Variants in CSMD1 observed in about 807,000 individuals in gnomAD.
CSMD1 encodes the protein CUB and Sushi multiple domains 1, also known as CUB and sushi domain-containing protein 1.
CSMD1 carries 213 observed loss-of-function variants against 417.5 expected under a neutral mutation model. The ratio of observed to expected loss-of-function variants is 0.51; its 90% CI spans 0.46 to 0.57. CSMD1 has a LOEUF of 0.57. Among genes scored for constraint, CSMD1 ranks in the 20% least tolerant of loss-of-function variants. The pLI is 0.00. For synonymous variants in CSMD1, 2,862 were observed against 1,736.8 expected, an observed-to-expected ratio of 1.65 and a Z score of -16.11; for missense variants, 6,923 against 4,529.7, an observed-to-expected ratio of 1.53 and a Z score of -15.17.
intron 8 of CSMD1, among the ~76,000 whole-genome samples, chr8:3,593,370 G>A (rs73491404): frequency 0.039 from 5,938 of 152,290 alleles, 361 homozygotes; most frequent in African/African-American, 0.13. Flanking sequence ...GGAGGAGCCC[G>A]TGATGGAGAA....
At chr8:4,161,645 C>T (rs939448118) in intron 3 of CSMD1, among the ~76,000 whole-genome samples, 9 of 152,084 alleles carry the variant, frequency 5.9e-5, no homozygotes, top group Non-Finnish European at 1.2e-4. Flanking sequence ...TTAATGTGTT[C>T]TTCCAACGTC....
chr8:3,421,894 G>A (rs747082811), intron 12 of CSMD1, among the ~76,000 whole-genome samples: 16 of 145,826 alleles, frequency 1.1e-4, no homozygotes, highest in East Asian at 1.9e-4. Flanking sequence ...CACCTTGGCC[G>A]CCCAAAGTGC....
rs75765584 is a variant in CSMD1, at chr8:3,646,817, C to T, written c.1010-30020G>A. Among the ~76,000 whole-genome samples the T allele has an allele frequency of 1.8e-3, 269 of 152,232 alleles. 1 individual carries two copies. Among genetic ancestry groups the T allele is most frequent in the African/African-American group, 6.3e-3 (260 of 41,546 alleles). On this transcript the variant is annotated intron_variant, in intron 7 of 69. Transcript: ENST00000635120. ...CATTGTTCCAGCCCTGTCTTGCTTC[C>T]CCTGCCTCCTCCCACCCGCTGGCTG...
intron 11 of CSMD1, among the ~76,000 whole-genome samples, chr8:3,473,928 G>A (rs759303112): frequency 6.6e-6 from 1 of 152,156 alleles, no homozygotes; most frequent in South Asian, 2.1e-4. Flanking sequence ...TACATGGCAG[G>A]AGGAGAGAGC....
rs578019187 is a variant in CSMD1, at chr8:2,960,965, T to C, written c.9702+176A>G. On this transcript the variant is annotated intron_variant, in intron 62 of 69. Coordinates refer to ENST00000635120, the MANE Select transcript of CSMD1 (RefSeq NM_033225.6). ...ATATATATATATATATATATATATA[T>C]ACATATATTGATTTTGACAGTTAAA... 1.5e-3 allele frequency among the ~76,000 whole-genome samples: 195 copies of C among 131,060 alleles called. 3 individuals carry two copies. The highest frequency in any genetic ancestry group is 4.0e-3 in the African/African-American group (114 of 28,334). The allele number at this position is 131,060 out of a possible 152,430, so 86.0% of individuals were successfully genotyped here. A position where few individuals can be genotyped will look rare whatever the true frequency, so the allele number is the denominator to read the frequency against.
intron 17 of CSMD1, 105 bp from the exon 18 acceptor site, chr8:3,387,787 C>G: frequency 3.2e-6 from 3 of 923,474 alleles, no homozygotes; most frequent in South Asian, 1.7e-5. Context: ...ATAATAAGAC[C>G]TGAAACATTA....
At chr8:3,395,120 G>A (rs1207917563) in intron 17 of CSMD1, among the ~76,000 whole-genome samples, 1 of 152,078 alleles carries the variant, frequency 6.6e-6, no homozygotes, top group Non-Finnish European at 1.5e-5. Flanking sequence ...ACGAACAAAA[G>A]GAGATTTGAA....
chr8:4,197,734 C>G (rs1022849670), intron 3 of CSMD1, among the ~76,000 whole-genome samples: 1 of 152,110 alleles, frequency 6.6e-6, no homozygotes, highest in Admixed American at 6.5e-5. Context: ...CAAAAATTAG[C>G]TGGGCATGGT....
chr8:4,289,380 C>G (rs1306973177), intron 3 of CSMD1, among the ~76,000 whole-genome samples: 1 of 142,744 alleles, frequency 7.0e-6, no homozygotes, highest in Non-Finnish European at 1.5e-5. Context: ...AGATTAACAT[C>G]GATCAATTAG....
chr8:4,462,507 A>G (rs549935002), intron 2 of CSMD1, among the ~76,000 whole-genome samples: 35 of 152,270 alleles, frequency 2.3e-4, no homozygotes, highest in Admixed American at 1.7e-3. Flanking sequence ...TAAAATGCAT[A>G]TGGATATTCA....
chr8:4,119,926 G>C (rs190443892), intron 3 of CSMD1, among the ~76,000 whole-genome samples: 1 of 146,430 alleles, frequency 6.8e-6, no homozygotes, highest in Non-Finnish European at 1.5e-5. Flanking sequence ...GAGGGTGAGA[G>C]GAGCTGGGGA....
intron 2 of CSMD1, among the ~76,000 whole-genome samples, chr8:4,512,421 A>C (rs900285525): frequency 2.0e-5 from 3 of 152,182 alleles, no homozygotes; most frequent in African/African-American, 7.2e-5. Flanking sequence ...CCAACATCGT[A>C]GCTAATGCAA....
intron 2 of CSMD1, among the ~76,000 whole-genome samples, chr8:4,513,261 A>T (rs1585186190): frequency 6.6e-6 from 1 of 152,162 alleles, no homozygotes. Context: ...CAGGGGGTAT[A>T]TAAATTTTTT....
chr8:3,478,608 G>A (rs779976475), intron 11 of CSMD1, among the ~76,000 whole-genome samples: 1 of 152,076 alleles, frequency 6.6e-6, no homozygotes. Flanking sequence ...AGGCCACTCC[G>A]ACTTGCTGTT....
chr8:4,132,307 A>G (rs2680623), intron 3 of CSMD1, among the ~76,000 whole-genome samples: 13,638 of 151,776 alleles, frequency 0.09, 816 homozygotes, highest in Non-Finnish European at 0.13. Flanking sequence ...AGGTAAACTC[A>G]GACTGAGCAA....
intron 1 of CSMD1, among the ~76,000 whole-genome samples, chr8:4,891,265 C>G (rs978015271): frequency 6.6e-6 from 1 of 152,082 alleles, no homozygotes; most frequent in African/African-American, 2.4e-5. Context: ...TCTCTACATC[C>G]TTAGGTAAAA....
intron 7 of CSMD1, among the ~76,000 whole-genome samples, chr8:3,625,449 A>G (rs932782680): frequency 1.3e-5 from 2 of 151,922 alleles, no homozygotes; most frequent in African/African-American, 4.8e-5. Flanking sequence ...CCCACTACAT[A>G]CCTTCATGTG....
chr8:3,513,722 G>T (rs1797173295), intron 10 of CSMD1, among the ~76,000 whole-genome samples: 1 of 152,186 alleles, frequency 6.6e-6, no homozygotes, highest in Non-Finnish European at 1.5e-5. Flanking sequence ...TGCCCTCATA[G>T]TCTGTGTGTT....
chr8:3,352,594 G>C (rs1001977413), intron 21 of CSMD1, among the ~76,000 whole-genome samples: 2 of 152,144 alleles, frequency 1.3e-5, no homozygotes, highest in African/African-American at 2.4e-5. Flanking sequence ...AATCCTAGCA[G>C]TTTGGGAGCG....
Sources: gnomAD v4.1 joint callset for allele counts (sites outside exome capture counted in the v4.1 genomes callset) on GRCh38, gnomAD v4.1.1 for gene constraint, MANE v1.5 for transcripts, NCBI Gene and HGNC (gene_info 2026-07-23, HGNC 2026-07-21) for gene names.